LRRC4C: variants seen among roughly 807,000 people sequenced by gnomAD.
The protein encoded by LRRC4C is leucine-rich repeat-containing protein 4C.
In LRRC4C, 5 loss-of-function variants were observed where a neutral mutation model predicts 33.6. That is an observed-to-expected ratio of 0.15 (90% CI 0.08 to 0.31). The LOEUF (loss-of-function observed/expected upper bound fraction) is 0.31, where lower values mean the gene tolerates loss of function less well. Among genes scored for constraint, LRRC4C ranks in the 10% least tolerant of loss-of-function variants. LRRC4C has a pLI of 1.00. For missense variants in LRRC4C, 560 were observed against 796.7 expected (o/e 0.70, Z 3.58); for synonymous variants, 329 against 302.0 (o/e 1.09, Z -0.93).
intron 2 of LRRC4C, among the ~76,000 whole-genome samples, chr11:40,750,519 C>G (rs1948633640): frequency 6.6e-6 from 1 of 151,804 alleles, no homozygotes; most frequent in South Asian, 2.1e-4. Context: ...ATGGATGAAG[C>G]TGGAAACCAT....
chr11:41,273,960 A>G (rs1949399224), intron 1 of LRRC4C, among the ~76,000 whole-genome samples: 1 of 152,176 alleles, frequency 6.6e-6, no homozygotes, highest in African/African-American at 2.4e-5. Context: ...AGTGATGTTA[A>G]GGTGACAATA....
chr11:41,139,135 A>T (rs897981427), intron 1 of LRRC4C, among the ~76,000 whole-genome samples: 1 of 152,194 alleles, frequency 6.6e-6, no homozygotes, highest in Non-Finnish European at 1.5e-5. Context: ...ATCTAGTTGA[A>T]TACTTAATAT....
At chr11:40,299,329 A>C (rs1163686879) in intron 4 of LRRC4C, among the ~76,000 whole-genome samples, 11 of 152,126 alleles carry the variant, frequency 7.2e-5, no homozygotes, top group Non-Finnish European at 1.3e-4. Flanking sequence ...AAGAGAGTGT[A>C]CCTATTTCTC....
intron 1 of LRRC4C, among the ~76,000 whole-genome samples, chr11:41,413,318 T>C (rs1037926752): frequency 6.6e-6 from 1 of 152,188 alleles, no homozygotes; most frequent in Non-Finnish European, 1.5e-5. Context: ...GTTTTACTTT[T>C]TTGTAAAGTA....
chr11:40,200,329 A>C (rs1039752505), intron 5 of LRRC4C, among the ~76,000 whole-genome samples: 5 of 151,890 alleles, frequency 3.3e-5, no homozygotes, highest in African/African-American at 1.2e-4. Flanking sequence ...GCGCCACTGC[A>C]CTCCAGCCTG....
chr11:41,122,513 A>G (rs1278204276), intron 1 of LRRC4C, among the ~76,000 whole-genome samples: 1 of 152,044 alleles, frequency 6.6e-6, no homozygotes, highest in Non-Finnish European at 1.5e-5. Context: ...ATAAATTAGA[A>G]GAGATCTGGA....
intron 3 of LRRC4C, among the ~76,000 whole-genome samples, chr11:40,466,220 C>T (rs941555341): frequency 5.3e-5 from 8 of 151,950 alleles, no homozygotes; most frequent in Non-Finnish European, 1.0e-4. Context: ...AATGTGTACA[C>T]ATGGACAGAG....
At chr11:40,502,539 C>T (rs1954829469) in intron 3 of LRRC4C, among the ~76,000 whole-genome samples, 1 of 152,096 alleles carries the variant, frequency 6.6e-6, no homozygotes, top group Non-Finnish European at 1.5e-5. Flanking sequence ...GTGGAAACCC[C>T]TTATAAAACC....
chr11:40,553,980 T>G (rs1327850382), intron 3 of LRRC4C, among the ~76,000 whole-genome samples: 1 of 152,220 alleles, frequency 6.6e-6, no homozygotes, highest in African/African-American at 2.4e-5. Flanking sequence ...TTTGGTTTTG[T>G]TCCATTTGCT....
chr11:40,184,758 A>G (rs1239769793), intron 5 of LRRC4C, among the ~76,000 whole-genome samples: 1 of 152,220 alleles, frequency 6.6e-6, no homozygotes, highest in Non-Finnish European at 1.5e-5. Context: ...AGATAACTGC[A>G]TCTCTGGAGG....
rs190558325 is a variant in LRRC4C at position 40,286,369 on chromosome 11, G to C, written c.-176+33259C>G. Among the ~76,000 whole-genome samples the C allele has an allele frequency of 4.5e-4, 68 of 152,182 alleles. 1 individual carries two copies. The East Asian group carries it at 0.013, about 29-fold the overall frequency. ...TACTAGATACTTGTAAACCCGGGAA[G>C]TGTTGAAAGCTTTCCTAAGTGCAGA... On this transcript the variant is annotated intron_variant, in intron 4 of 6. Transcript: ENST00000528697.
At chr11:40,868,423 C>T (rs1035831483) in intron 2 of LRRC4C, among the ~76,000 whole-genome samples, 1 of 152,102 alleles carries the variant, frequency 6.6e-6, no homozygotes, top group Non-Finnish European at 1.5e-5. Flanking sequence ...TGTTCTCATT[C>T]CCATGGCAGA....
rs371413523 is a variant in LRRC4C, at chr11:40,584,177, CATATATATAT to C, written c.-270+63955_-270+63964del. Among the ~76,000 whole-genome samples, 27 of 71,282 alleles carry C rather than the reference CATATATATAT, an allele frequency of 3.8e-4. 1 individual carries two copies. The Admixed American group carries it at 4.0e-3, about 11-fold the overall frequency. 46.8% of individuals were successfully genotyped at this position (71,282 alleles called of 152,430 possible). ...AGTATACACACACACACGCACACTT[CATATATATAT>C]ATATATATATATATATATGAACTCT... On this transcript the variant is annotated intron_variant, in intron 3 of 6. Coordinates refer to ENST00000528697, the MANE Select transcript of LRRC4C (RefSeq NM_001258419.2).
At chr11:40,771,964 C>G (rs1471907238) in intron 2 of LRRC4C, among the ~76,000 whole-genome samples, 1 of 152,132 alleles carries the variant, frequency 6.6e-6, no homozygotes, top group Non-Finnish European at 1.5e-5. Context: ...CTGAGCCCAC[C>G]AAACTGTTCC....
At chr11:40,922,263 A>G (rs1957215560) in intron 2 of LRRC4C, among the ~76,000 whole-genome samples, 1 of 152,094 alleles carries the variant, frequency 6.6e-6, no homozygotes, top group African/African-American at 2.4e-5. Flanking sequence ...TATTTTCCTG[A>G]AAATGTATTA....
intron 1 of LRRC4C, among the ~76,000 whole-genome samples, chr11:41,086,144 A>G (rs1352251976): frequency 6.6e-6 from 1 of 152,090 alleles, no homozygotes; most frequent in Non-Finnish European, 1.5e-5. Context: ...ACTCTTCAAT[A>G]CTTCAAAATA....
intron 5 of LRRC4C, among the ~76,000 whole-genome samples, chr11:40,158,944 T>C (rs959421658): frequency 3.9e-5 from 6 of 152,324 alleles, no homozygotes; most frequent in African/African-American, 1.4e-4. Context: ...TTCATTTCTT[T>C]ATTCACTCAT....
intron 1 of LRRC4C, among the ~76,000 whole-genome samples, chr11:40,934,503 T>G (rs112222522): frequency 4.6e-5 from 7 of 152,200 alleles, no homozygotes; most frequent in Non-Finnish European, 1.0e-4. Context: ...TACTCTATCC[T>G]GGAGTAAATT....
intron 5 of LRRC4C, among the ~76,000 whole-genome samples, chr11:40,224,304 G>A (rs1481459871): frequency 6.6e-6 from 1 of 152,058 alleles, no homozygotes; most frequent in Non-Finnish European, 1.5e-5. Flanking sequence ...CTTTTATCAT[G>A]TGTGTGTTTA....
Sources: allele counts gnomAD v4.1 joint callset (sites outside exome capture counted in the v4.1 genomes callset), GRCh38; gene constraint gnomAD v4.1.1; transcripts MANE v1.5; gene names NCBI Gene and HGNC (gene_info 2026-07-23, HGNC 2026-07-21).